The following AAGAB variants were observed in gnomAD, a reference collection of about 807,000 sequenced individuals.
AAGAB encodes the protein alpha- and gamma-adaptin-binding protein p34.
Under a neutral mutation model 44.1 loss-of-function variants are expected in AAGAB, and 38 were observed. The ratio of observed to expected loss-of-function variants is 0.86; its 90% CI spans 0.67 to 1.13. The LOEUF (loss-of-function observed/expected upper bound fraction) is 1.13. AAGAB is among the 50% of genes most tolerant of loss of function. AAGAB has a pLI of 0.00. For synonymous variants in AAGAB, 131 were observed against 131.8 expected, an observed-to-expected ratio of 0.99 and a Z score of 0.04; for missense variants, 450 against 373.8, an observed-to-expected ratio of 1.20 and a Z score of -1.68.
At chr15:67,232,632 G>C in intron 4 of AAGAB, 1 of 344,834 alleles carries the variant, frequency 2.9e-6, no homozygotes, top group Non-Finnish European at 5.9e-6. Context: ...AACTCATTTT[G>C]GTGGTGGCAA....
rs1963559033 is a variant in AAGAB, at chr15:67,201,058, G to A, written c.*1763C>T. The A allele has an allele frequency of 6.6e-6, 1 of 152,128 alleles. No homozygotes were observed. The highest frequency in any genetic ancestry group is 2.4e-5 in the African/African-American group (1 of 41,382). The allele number at this position is 152,128 out of a possible 1,614,324, so 9.4% of individuals were successfully genotyped here. A position where few individuals can be genotyped will look rare whatever the true frequency, so the allele number is the denominator to read the frequency against. On this transcript the variant is annotated 3_prime_UTR_variant, in exon 10 of 10. Transcript: ENST00000261880. Reference sequence around the variant, plus strand: ...AAATAAATCACATTTTAATCATCTGGCTTTGTTTAATCTACAAAATCAAAT... The same window carrying A: ...AAATAAATCACATTTTAATCATCTGACTTTGTTTAATCTACAAAATCAAAT...
chr15:67,251,450 C>T (rs1964871267), intron 1 of AAGAB, among the ~76,000 whole-genome samples: 1 of 152,076 alleles, frequency 6.6e-6, no homozygotes, highest in Non-Finnish European at 1.5e-5. Flanking sequence ...GAGACTAGGT[C>T]TCCCTATGTT....
intron 5 of AAGAB, among the ~76,000 whole-genome samples, chr15:67,216,816 T>C (rs1022115534): frequency 2.0e-5 from 3 of 151,562 alleles, no homozygotes; most frequent in African/African-American, 7.3e-5. Flanking sequence ...GGTCTAAAAA[T>C]AATTCCAAAG....
At chr15:67,203,674 T>C (rs1166249425) in intron 8 of AAGAB, 77 bp from the exon 9 acceptor site, 5 of 1,276,202 alleles carry the variant, frequency 3.9e-6, no homozygotes, top group South Asian at 1.2e-5. Flanking sequence ...CACTAGAAGA[T>C]GGGAGACGGG....
intron 7 of AAGAB, among the ~76,000 whole-genome samples, chr15:67,206,537 T>C (rs958023772): frequency 6.6e-5 from 10 of 152,242 alleles, no homozygotes; most frequent in Admixed American, 2.6e-4. Flanking sequence ...TCTATATTTA[T>C]TACTTGGGAT....
intron 5 of AAGAB, among the ~76,000 whole-genome samples, chr15:67,225,332 C>G (rs764652783): frequency 1.3e-5 from 2 of 152,220 alleles, no homozygotes; most frequent in Admixed American, 6.5e-5. Context: ...TCTATCATCA[C>G]CACCACCTTT....
intron 1 of AAGAB, among the ~76,000 whole-genome samples, chr15:67,252,463 G>A (rs1964892485): frequency 1.3e-5 from 2 of 151,962 alleles, no homozygotes; most frequent in South Asian, 4.1e-4. Context: ...TTTAAAAACA[G>A]AAAAAATTGT....
At chr15:67,249,851 G>A (rs1312323889) in intron 1 of AAGAB, among the ~76,000 whole-genome samples, 2 of 152,162 alleles carry the variant, frequency 1.3e-5, no homozygotes, top group African/African-American at 4.8e-5. Context: ...CTGCAAAATG[G>A]ACACAACCTA....
At chr15:67,211,190 GTAGC>G (rs1400469087) in intron 5 of AAGAB, among the ~76,000 whole-genome samples, 1 of 152,224 alleles carries the variant, frequency 6.6e-6, no homozygotes, top group Non-Finnish European at 1.5e-5. Flanking sequence ...GCAGTCATAT[GTAGC>G]TATCAACCCA....
At chr15:67,233,501 T>G (rs1180260714) in intron 4 of AAGAB, among the ~76,000 whole-genome samples, 1 of 152,224 alleles carries the variant, frequency 6.6e-6, no homozygotes, top group East Asian at 1.9e-4. Context: ...ATAGTTTTCA[T>G]GTGGTTAAAA....
In AAGAB at chr15:67,253,288, C is replaced by T. The variant is rs368244781; in HGVS notation, c.73+1271G>A. ...GGGGGGGGGGGGGCAATTAGCCGGG[C>T]GTGGTGGCACACACCTGTAGTCCCA... On this transcript the variant is annotated intron_variant, in intron 1 of 9. Coordinates refer to ENST00000261880, the MANE Select transcript of AAGAB (RefSeq NM_024666.5). Among the ~76,000 whole-genome samples, 605 of 127,762 alleles carry T rather than the reference C, an allele frequency of 4.7e-3. 6 individuals carry two copies. Among genetic ancestry groups the T allele is most frequent in the African/African-American group, 0.018 (570 of 31,288 alleles). The allele number at this position is 127,762 out of a possible 152,430, so 83.8% of individuals were successfully genotyped here.
chr15:67,242,143 G>GTGGGTGCTGCTCTGT (rs1964614532), intron 1 of AAGAB, among the ~76,000 whole-genome samples: 81 of 99,080 alleles, frequency 8.2e-4, no homozygotes, highest in Middle Eastern at 6.1e-3. Flanking sequence ...TCATATCGGG[G>GTGGGTGCTGCTCTGT]CCGGGCGCGG....
At chr15:67,233,193 C>T (rs936226618) in intron 4 of AAGAB, among the ~76,000 whole-genome samples, 10 of 152,102 alleles carry the variant, frequency 6.6e-5, no homozygotes, top group African/African-American at 2.2e-4. Flanking sequence ...TATTTTTGAT[C>T]GATACCTATA....
At chr15:67,218,836 A>C in intron 5 of AAGAB, among the ~76,000 whole-genome samples, 1 of 152,228 alleles carries the variant, frequency 6.6e-6, no homozygotes, top group East Asian at 1.9e-4. Flanking sequence ...AACTCAACTA[A>C]GCAGCTGAGG....
intron 5 of AAGAB, among the ~76,000 whole-genome samples, chr15:67,217,580 CA>C (rs1963979627): frequency 6.6e-6 from 1 of 152,112 alleles, no homozygotes; most frequent in South Asian, 2.1e-4. Flanking sequence ...GCTCTATCAC[CA>C]GGCTGGAGTG....
chr15:67,220,182 A>G (rs967016439), intron 5 of AAGAB, among the ~76,000 whole-genome samples: 2 of 152,210 alleles, frequency 1.3e-5, no homozygotes, highest in African/African-American at 4.8e-5. Context: ...GATGATCTAA[A>G]TTATTTAAAA....
At chr15:67,254,437 T>A in intron 1 of AAGAB, 122 bp downstream of exon 1, 2 of 1,452,602 alleles carry the variant, frequency 1.4e-6, no homozygotes, top group African/African-American at 1.4e-5. Flanking sequence ...GCGCCTCCAC[T>A]GACTGGAGGA....
chr15:67,229,247 C>T (rs1290786506), intron 5 of AAGAB, among the ~76,000 whole-genome samples: 2 of 152,100 alleles, frequency 1.3e-5, no homozygotes, highest in Non-Finnish European at 2.9e-5. Context: ...GCCTGGCCAA[C>T]ATGGTGAAAC....
At chr15:67,209,818 A>AT (rs968765179) in intron 5 of AAGAB, among the ~76,000 whole-genome samples, 68 of 151,700 alleles carry the variant, frequency 4.5e-4, no homozygotes, top group Admixed American at 1.8e-3. Flanking sequence ...GTGCCTGGCT[A>AT]TTTTTTTTTA....
Sources: allele counts gnomAD v4.1 joint callset (sites outside exome capture counted in the v4.1 genomes callset), GRCh38; gene constraint gnomAD v4.1.1; transcripts MANE v1.5; gene names NCBI Gene and HGNC (gene_info 2026-07-23, HGNC 2026-07-21).